Variants in MYH9 observed in about 807,000 individuals in gnomAD.
MYH9 encodes the protein myosin-9.
A neutral mutation model predicts 241.9 loss-of-function variants in MYH9; 29 were observed. The ratio of observed to expected loss-of-function variants is 0.12; its 90% CI spans 0.09 to 0.16. The LOEUF is 0.16. Ranked by LOEUF, MYH9 falls within the 10% of genes least tolerant of loss-of-function variation. MYH9 has a pLI of 1.00. For synonymous variants in MYH9, 1,047 were observed against 1,062.6 expected (o/e 0.99, Z 0.29); for missense variants, 1,803 against 2,595.5 (o/e 0.69, Z 6.63).
Position 36,312,241 on chromosome 22 carries a change from C to G in MYH9, c.1555-19G>C, listed in dbSNP as rs1569535619. ...GGCCTGCCTGGAGGAAGCGCAGCAT[C>G]AGCACAGGTGAGTGCACCCTGGGAG... On this transcript the variant is annotated intron_variant, in intron 13 of 40. Transcript: ENST00000216181. 6 of 1,613,762 alleles carry G rather than the reference C, an allele frequency of 3.7e-6. No homozygotes were observed. Among genetic ancestry groups the G allele is most frequent in the Non-Finnish European group, 5.1e-6 (6 of 1,180,002 alleles).
chr22:36,286,897 C>G, intron 34 of MYH9, 51 bp from the exon 35 acceptor site: 1 of 1,600,230 alleles, frequency 6.2e-7, no homozygotes, highest in Non-Finnish European at 8.5e-7. Context: ...TGGCCCTCCA[C>G]CCCAACCCTC....
At chr22:36,308,941 AC>A (rs1396903598) in intron 15 of MYH9, 2 of 879,206 alleles carry the variant, frequency 2.3e-6, no homozygotes, top group African/African-American at 3.6e-5. Context: ...ATTAAAAAGA[AC>A]CACTCAAAGC....
intron 40 of MYH9, among the ~76,000 whole-genome samples, chr22:36,283,833 G>A (rs2016533715): frequency 6.6e-6 from 1 of 152,222 alleles, no homozygotes; most frequent in African/African-American, 2.4e-5. Context: ...TGCCAGGACT[G>A]GGCCAGGTGG....
chr22:36,346,151 C>CAA lies in MYH9; in HGVS notation c.333+2751_333+2752dup, dbSNP rs56232061. Among the ~76,000 whole-genome samples, 641 of 121,286 alleles carry CAA rather than the reference C, an allele frequency of 5.3e-3. 8 individuals carry two copies. Among genetic ancestry groups the CAA allele is most frequent in the African/African-American group, 0.019 (622 of 33,118 alleles). 79.6% of individuals were successfully genotyped at this position (121,286 alleles called of 152,430 possible). A position where few individuals can be genotyped will look rare whatever the true frequency, so the allele number is the denominator to read the frequency against. ...TGGGTGACAAAGTGAGACTCCGTCT[C>CAA]AAAAAAAAAAAAAAAAAGAAGGCTG... On this transcript the variant is annotated intron_variant, in intron 2 of 40. Coordinates refer to ENST00000216181, the MANE Select transcript of MYH9 (RefSeq NM_002473.6).
rs766302946 is a variant in MYH9, at chr22:36,306,568, G to A, written c.1883C>T (p.Ser628Leu). 15 of 1,613,748 alleles carry A rather than the reference G, an allele frequency of 9.3e-6. No individual in the cohort carries two copies. Among genetic ancestry groups the A allele is most frequent in the South Asian group, 2.2e-5 (2 of 91,076 alleles). The change falls in exon 16 of 41, where the codon TCG becomes TTG. Residue 628 changes from serine (S) to leucine (L), a missense_variant. Ser to Leu is a moderately radical substitution (Grantham distance 145). Transcript: ENST00000216181. The surrounding 1 kb of genome is among the most constrained non-coding windows in gnomAD (Gnocchi z 4.1). ...IIGLDQVAGM[S>L]ETALPGAFKT... ...GAAGGCCCCGGGCAGTGCGGTCTCC[G>A]ACATGCCGGCCACCTGGTCCAGGCC...
intron 2 of MYH9, among the ~76,000 whole-genome samples, chr22:36,343,223 A>G (rs2017617064): frequency 6.6e-6 from 1 of 152,032 alleles, no homozygotes; most frequent in African/African-American, 2.4e-5. Context: ...GGCCCCAACA[A>G]CCACACAATG....
intron 27 of MYH9, 32 bp from the exon 28 acceptor site, chr22:36,294,330 G>A (rs1319994751): frequency 5.0e-6 from 8 of 1,607,046 alleles, no homozygotes; most frequent in Non-Finnish European, 6.8e-6. Context: ...ACGTGAGTGG[G>A]GGCCTCCTGA....
chr22:36,309,441 A>G lies in MYH9; in HGVS notation c.1729-45T>C, dbSNP rs371904504. Reference sequence around the variant, plus strand: ...AGGAGTCACAAGCTGCGCTGGGGACATGTGTGCTCACAGGGTCTCCGGAGC... The same window carrying G: ...AGGAGTCACAAGCTGCGCTGGGGACGTGTGTGCTCACAGGGTCTCCGGAGC... On this transcript the variant is annotated intron_variant, in intron 14 of 40. Transcript: ENST00000216181. 30 of 1,445,906 alleles carry G rather than the reference A, an allele frequency of 2.1e-5. No homozygotes were observed. The African/African-American group carries it at 3.8e-4, about 18-fold the overall frequency. The allele number at this position is 1,445,906 out of a possible 1,614,324, so 89.6% of individuals were successfully genotyped here. A position where few individuals can be genotyped will look rare whatever the true frequency, so the allele number is the denominator to read the frequency against.
At chr22:36,283,303 G>C (rs552300630) in intron 40 of MYH9, among the ~76,000 whole-genome samples, 2 of 152,102 alleles carry the variant, frequency 1.3e-5, no homozygotes, top group African/African-American at 4.8e-5. Context: ...CTGGGAGGCC[G>C]AGGCGGGTGG....
intron 2 of MYH9, among the ~76,000 whole-genome samples, chr22:36,345,027 T>A (rs115570390): frequency 2.6e-5 from 4 of 152,156 alleles, no homozygotes; most frequent in Non-Finnish European, 5.9e-5. Flanking sequence ...AAAGTTCCCA[T>A]GGATGCCGGG....
chr22:36,327,800 G>A (rs976380723), intron 3 of MYH9, among the ~76,000 whole-genome samples: 1 of 152,190 alleles, frequency 6.6e-6, no homozygotes, highest in Non-Finnish European at 1.5e-5. Flanking sequence ...TCCAGGAGTC[G>A]ACTTCCCTGG....
intron 1 of MYH9, among the ~76,000 whole-genome samples, chr22:36,351,162 G>A (rs539279671): frequency 1.3e-5 from 2 of 152,218 alleles, no homozygotes; most frequent in Non-Finnish European, 2.9e-5. Context: ...ACTCACTCCA[G>A]AAGGGGCGGT....
At chr22:36,382,915 G>A (rs1049067028) in intron 1 of MYH9, among the ~76,000 whole-genome samples, 2 of 151,974 alleles carry the variant, frequency 1.3e-5, no homozygotes, top group African/African-American at 4.8e-5. Context: ...AGGGAGATAC[G>A]GCACCTCCTC....
At chr22:36,312,340 A>G (rs2017078074) in intron 13 of MYH9, 118 bp from the exon 14 acceptor site, 1 of 1,014,782 alleles carries the variant, frequency 9.9e-7, no homozygotes, top group Non-Finnish European at 1.4e-6. Context: ...TGGGCGACAC[A>G]CTCCCCAGGA....
intron 1 of MYH9, among the ~76,000 whole-genome samples, chr22:36,380,144 T>A (rs115547781): frequency 0.011 from 1,691 of 152,252 alleles, 31 homozygotes; most frequent in African/African-American, 0.039. Context: ...GGAGGCTGCC[T>A]TGCAGGACCT....
At chr22:36,376,019 T>C (rs2018162427) in intron 1 of MYH9, among the ~76,000 whole-genome samples, 2 of 138,164 alleles carry the variant, frequency 1.4e-5, no homozygotes, top group Admixed American at 8.6e-5. Flanking sequence ...TAGAGTGCAG[T>C]GATGAAATCT....
In MYH9 at chr22:36,288,523, G is replaced by A. The variant is rs987105676; in HGVS notation, c.4771-110C>T. 42 of 1,447,580 alleles carry A rather than the reference G, an allele frequency of 2.9e-5. No individual in the cohort carries two copies. In the African/African-American group the frequency reaches 5.6e-4, roughly 19 times the overall value. 89.7% of individuals were successfully genotyped at this position (1,447,580 alleles called of 1,614,324 possible). On this transcript the variant is annotated intron_variant, in intron 33 of 40. Coordinates refer to ENST00000216181, the MANE Select transcript of MYH9 (RefSeq NM_002473.6). This position sits in a 1 kb window ranked among gnomAD's most constrained non-coding sequence, Gnocchi z 4.8. ...GTTCTGCAGGATCCATGGGGCCTCG[G>A]GAAACCAGTGGGGATTACTGACCAT...
intron 5 of MYH9, among the ~76,000 whole-genome samples, chr22:36,326,035 A>G (rs1603483555): frequency 6.6e-6 from 1 of 152,192 alleles, no homozygotes. Flanking sequence ...TAGCGAGGAC[A>G]CTGCTGGGTT....
rs2017134832 is a variant in MYH9 at position 36,315,442 on chromosome 22, C to CA, written c.1380+1074dup. 2.6e-5 allele frequency among the ~76,000 whole-genome samples: 4 copies of CA among 152,074 alleles called. No individual in the cohort carries two copies. The South Asian group carries it at 8.3e-4, about 32-fold the overall frequency. ...TACTAGACCTCAAAGTTGTCATGGG[C>CA]AAGGGAGATGTCTTATCCCGATGCT... is the stretch of plus-strand genomic sequence containing the variant. On this transcript the variant is annotated intron_variant, in intron 12 of 40. Transcript: ENST00000216181.
Sources: allele counts gnomAD v4.1 joint callset (sites outside exome capture counted in the v4.1 genomes callset), GRCh38; gene constraint gnomAD v4.1.1; non-coding constraint Gnocchi (gnomAD v3.1); transcripts MANE v1.5; gene names NCBI Gene and HGNC (gene_info 2026-07-23, HGNC 2026-07-21).